Variants in STXBP5L observed in about 807,000 individuals in gnomAD.
The protein encoded by STXBP5L is syntaxin binding protein 5L, also known as syntaxin-binding protein 5-like.
In STXBP5L, 65 loss-of-function variants were observed where a neutral mutation model predicts 144.5. That is an observed-to-expected ratio of 0.45 (90% CI 0.37 to 0.55). The LOEUF is 0.55. STXBP5L is among the 20% of genes least tolerant of loss of function. STXBP5L has a pLI of 0.00. For missense variants in STXBP5L, 1,298 were observed against 1,405.5 expected, an observed-to-expected ratio of 0.92 and a Z score of 1.22; for synonymous variants, 505 against 469.6, an observed-to-expected ratio of 1.08 and a Z score of -0.97.
chr3:121,219,819 A>G (rs1000463007), intron 10 of STXBP5L, among the ~76,000 whole-genome samples: 5 of 152,152 alleles, frequency 3.3e-5, no homozygotes, highest in Admixed American at 3.3e-4. Context: ...AGGATTAAAT[A>G]AAAGAATGCA....
At chr3:121,197,110 T>C (rs1294878854) in intron 9 of STXBP5L, among the ~76,000 whole-genome samples, 1 of 152,352 alleles carries the variant, frequency 6.6e-6, no homozygotes. Context: ...GTTTCATTCT[T>C]CACAAAGTAT....
chr3:121,354,096 T>G (rs1309743947), intron 20 of STXBP5L, among the ~76,000 whole-genome samples: 1 of 152,178 alleles, frequency 6.6e-6, no homozygotes, highest in Non-Finnish European at 1.5e-5. Flanking sequence ...GTGCTTTACT[T>G]CCAATTATGT....
chr3:120,958,090 T>G (rs1406198158), intron 3 of STXBP5L, among the ~76,000 whole-genome samples: 1 of 152,176 alleles, frequency 6.6e-6, no homozygotes. Context: ...CCACCGATCC[T>G]GCAGAAATAC....
chr3:121,386,846 A>G (rs899819633), intron 22 of STXBP5L, among the ~76,000 whole-genome samples: 1 of 152,194 alleles, frequency 6.6e-6, no homozygotes, highest in African/African-American at 2.4e-5. Context: ...GCTATTGTGA[A>G]TAGTGCTGCA....
chr3:121,008,994 G>A (rs771219126), intron 3 of STXBP5L, among the ~76,000 whole-genome samples: 1 of 151,556 alleles, frequency 6.6e-6, no homozygotes, highest in Non-Finnish European at 1.5e-5. Flanking sequence ...TGATGGTTTA[G>A]CTTGGATTCT....
intron 3 of STXBP5L, among the ~76,000 whole-genome samples, chr3:120,972,451 A>ATG (rs1204398565): frequency 6.6e-6 from 1 of 152,142 alleles, no homozygotes; most frequent in African/African-American, 2.4e-5. Context: ...TTCATCTATC[A>ATG]AATCTAGGAG....
intron 24 of STXBP5L, among the ~76,000 whole-genome samples, chr3:121,413,672 G>A (rs1221799839): frequency 5.3e-5 from 8 of 152,100 alleles, no homozygotes; most frequent in Admixed American, 3.3e-4. Context: ...ACCATTCAAG[G>A]AGTTCAAGAA....
intron 7 of STXBP5L, among the ~76,000 whole-genome samples, chr3:121,145,589 A>G (rs539766203): frequency 1.3e-5 from 2 of 152,160 alleles, no homozygotes; most frequent in South Asian, 2.1e-4. Flanking sequence ...AAAATGATCT[A>G]TTATATAAGA....
chr3:121,274,276 C>T (rs1166117477), intron 18 of STXBP5L, among the ~76,000 whole-genome samples: 2 of 152,292 alleles, frequency 1.3e-5, no homozygotes, highest in Non-Finnish European at 2.9e-5. Context: ...GGATGGGGTG[C>T]AACATCTCCT....
intron 2 of STXBP5L, among the ~76,000 whole-genome samples, chr3:120,943,213 A>T (rs894625824): frequency 1.3e-5 from 2 of 151,776 alleles, no homozygotes; most frequent in Admixed American, 1.3e-4. Flanking sequence ...TAAAACAAAC[A>T]ATCAGAATTA....
At chr3:121,307,303 AAAG>A (rs1174212731) in intron 19 of STXBP5L, among the ~76,000 whole-genome samples, 1 of 152,202 alleles carries the variant, frequency 6.6e-6, no homozygotes, top group Non-Finnish European at 1.5e-5. Context: ...ACAGGGAAAA[AAAG>A]CAACAAAAAT....
At chr3:121,376,232 A>G (rs2046179348) in intron 20 of STXBP5L, among the ~76,000 whole-genome samples, 1 of 152,252 alleles carries the variant, frequency 6.6e-6, no homozygotes, top group Non-Finnish European at 1.5e-5. Context: ...TCAGTAATCT[A>G]TACAGCTAGT....
At chr3:121,268,679 G>C (rs2050648763) in intron 18 of STXBP5L, among the ~76,000 whole-genome samples, 1 of 152,126 alleles carries the variant, frequency 6.6e-6, no homozygotes, top group Admixed American at 6.5e-5. Context: ...ATAATAAAAA[G>C]GGAAAAGCAG....
At chr3:121,405,799 T>G (rs2046982951) in intron 22 of STXBP5L, among the ~76,000 whole-genome samples, 1 of 152,078 alleles carries the variant, frequency 6.6e-6, no homozygotes, top group African/African-American at 2.4e-5. Context: ...CAGAATATAA[T>G]CAAAGCATTT....
At chr3:121,113,356 T>C (rs2044083395) in intron 5 of STXBP5L, among the ~76,000 whole-genome samples, 1 of 152,220 alleles carries the variant, frequency 6.6e-6, no homozygotes. Context: ...TGAAAATTGA[T>C]TCTTCATTGC....
intron 19 of STXBP5L, among the ~76,000 whole-genome samples, chr3:121,312,446 C>CTTTTTTTTTTTTTTTTTT (rs58989280): frequency 6.3e-4 from 8 of 12,752 alleles, no homozygotes; most frequent in East Asian, 2.8e-3. Flanking sequence ...GTATGTCAAT[C>CTTTTTTTTTTTTTTTTTT]TTTTTTTTTT....
intron 20 of STXBP5L, among the ~76,000 whole-genome samples, chr3:121,351,132 G>A (rs982922964): frequency 1.3e-5 from 2 of 152,106 alleles, no homozygotes; most frequent in Non-Finnish European, 2.9e-5. Flanking sequence ...TACAGATGGA[G>A]TTTTGGTGTG....
intron 2 of STXBP5L, among the ~76,000 whole-genome samples, chr3:120,952,253 G>A (rs1388476646): frequency 6.6e-6 from 1 of 152,022 alleles, no homozygotes; most frequent in Non-Finnish European, 1.5e-5. Flanking sequence ...GACAGAGATT[G>A]CATTGATTTT....
chr3:121,175,435 A>T (rs1345672813), intron 9 of STXBP5L, among the ~76,000 whole-genome samples: 3 of 152,182 alleles, frequency 2.0e-5, no homozygotes, highest in Non-Finnish European at 4.4e-5. Context: ...CATGTTCAAC[A>T]TTCCACATAA....
Sources: allele counts gnomAD v4.1 joint callset (sites outside exome capture counted in the v4.1 genomes callset), GRCh38; gene constraint gnomAD v4.1.1; transcripts MANE v1.5; gene names NCBI Gene and HGNC (gene_info 2026-07-23, HGNC 2026-07-21).